Variants in NEK6 observed in about 807,000 individuals in gnomAD.
NEK6 encodes NIMA related kinase 6.
A neutral mutation model predicts 43.5 loss-of-function variants in NEK6; 27 were observed. The ratio of observed to expected loss-of-function variants is 0.62; its 90% CI spans 0.46 to 0.86. The LOEUF (loss-of-function observed/expected upper bound fraction) is 0.86. NEK6 is among the 40% of genes least tolerant of loss of function. NEK6 has a pLI of 0.00. For synonymous variants in NEK6, 167 were observed against 164.1 expected, an observed-to-expected ratio of 1.02 and a Z score of -0.14; for missense variants, 318 against 414.4, an observed-to-expected ratio of 0.77 and a Z score of 2.02.
chr9:124,306,461 G>T (rs770782573), intron 2 of NEK6, among the ~76,000 whole-genome samples: 1 of 152,114 alleles, frequency 6.6e-6, no homozygotes, highest in Non-Finnish European at 1.5e-5. Flanking sequence ...CGGTGCAGAC[G>T]TCTTAGCTGA....
At chr9:124,322,871 T>C (rs553256077) in intron 5 of NEK6, among the ~76,000 whole-genome samples, 1 of 152,380 alleles carries the variant, frequency 6.6e-6, no homozygotes, top group South Asian at 2.1e-4. Flanking sequence ...CACTGGGAAG[T>C]GGCATTACTT....
At chr9:124,334,952 C>T (rs190884665) in intron 7 of NEK6, among the ~76,000 whole-genome samples, 1 of 152,298 alleles carries the variant, frequency 6.6e-6, no homozygotes, top group East Asian at 1.9e-4. Context: ...TGGGAAGAGC[C>T]TGTAGGGTCA....
At chr9:124,298,176 C>A (rs1419225137) in intron 1 of NEK6, among the ~76,000 whole-genome samples, 2 of 152,062 alleles carry the variant, frequency 1.3e-5, no homozygotes, top group African/African-American at 4.8e-5. Flanking sequence ...AAAGACCTGG[C>A]CCACAGGAAC....
At position 124,345,034 on chromosome 9, in the gene NEK6, T is replaced by G. The variant is rs73666866; in HGVS notation, c.718-2675T>G. ...AGGAGTCAGATTCCCCTTGTCCCTC[T>G]GACATCTCAGATCACACACCAGCTT... On this transcript the variant is annotated intron_variant, in intron 8 of 9. Transcript: ENST00000320246. Among the ~76,000 whole-genome samples, 1,484 of 152,346 alleles carry G rather than the reference T, an allele frequency of 9.7e-3. 23 individuals carry two copies. The highest frequency in any genetic ancestry group is 0.034 in the African/African-American group (1,404 of 41,586).
chr9:124,332,495 CCT>C (rs1200255420), intron 7 of NEK6, among the ~76,000 whole-genome samples: 2 of 152,168 alleles, frequency 1.3e-5, no homozygotes, highest in African/African-American at 2.4e-5. Context: ...CCCACCTGCC[CCT>C]GTCTGTCCCA....
intron 3 of NEK6, among the ~76,000 whole-genome samples, chr9:124,312,958 C>T (rs573379163): frequency 1.3e-5 from 2 of 152,288 alleles, no homozygotes; most frequent in Admixed American, 1.3e-4. Context: ...AGGAAAATCT[C>T]ATAACCGCCA....
At chr9:124,330,386 C>A (rs905224690) in intron 7 of NEK6, among the ~76,000 whole-genome samples, 3 of 152,240 alleles carry the variant, frequency 2.0e-5, no homozygotes, top group Admixed American at 1.3e-4. Context: ...TCGCTCCGAG[C>A]AACGGCAGCA....
chr9:124,301,268 A>G (rs774963685), intron 1 of NEK6, among the ~76,000 whole-genome samples: 54 of 152,328 alleles, frequency 3.5e-4, no homozygotes, highest in Non-Finnish European at 5.1e-4. Context: ...GTGCTTAACC[A>G]GGGGCCTGTG....
intron 1 of NEK6, among the ~76,000 whole-genome samples, chr9:124,267,035 G>T (rs1490881390): frequency 1.3e-5 from 2 of 152,218 alleles, no homozygotes; most frequent in Non-Finnish European, 2.9e-5. Flanking sequence ...GGTTGGAATG[G>T]GTCAGTGCTG....
At position 124,347,315 on chromosome 9, in the gene NEK6, T is replaced by A. The variant is rs1278579851; in HGVS notation, c.718-394T>A. On this transcript the variant is annotated intron_variant, in intron 8 of 9. Transcript: ENST00000320246. ...TCTGAACATGTGGGGCACAGAGACC[T>A]GCCCCTGCAGGCATCTTGGAAAAAT... Among the ~76,000 whole-genome samples, 3 of 151,898 alleles carry A rather than the reference T, an allele frequency of 2.0e-5. No individual in the cohort carries two copies. In the East Asian group the frequency reaches 6.0e-4, roughly 30 times the overall value.
At chr9:124,331,779 C>T (rs766878854) in intron 7 of NEK6, among the ~76,000 whole-genome samples, 1 of 152,220 alleles carries the variant, frequency 6.6e-6, no homozygotes, top group Non-Finnish European at 1.5e-5. Context: ...AGTGGATGGA[C>T]GACCTTCATG....
chr9:124,292,666 C>T (rs1039260050), intron 1 of NEK6: 2 of 1,314,140 alleles, frequency 1.5e-6, no homozygotes, highest in Non-Finnish European at 2.1e-6. Flanking sequence ...CCCTTAAGCC[C>T]CAGCCTCTCC....
At chr9:124,276,575 CTA>C (rs1377341013) in intron 1 of NEK6, among the ~76,000 whole-genome samples, 1 of 152,232 alleles carries the variant, frequency 6.6e-6, no homozygotes, top group African/African-American at 2.4e-5. Flanking sequence ...CAGTGGTTGT[CTA>C]TGTGTGGCTG....
chr9:124,314,113 G>A (rs915952886), intron 4 of NEK6, 128 bp downstream of exon 4: 3 of 807,602 alleles, frequency 3.7e-6, no homozygotes, highest in East Asian at 2.7e-5. Flanking sequence ...GTTAACAGAC[G>A]ATAGCTTTCT....
Position 124,302,060 on chromosome 9 carries a change from C to A in NEK6, c.90+6C>A. ...TGCATCCTCCTGACCCACAGGTAAG[C>A]CCCTTACCTTTGTCTGCAGCACACT... On this transcript the variant is annotated splice_donor_region_variant and intron_variant, in intron 2 of 9. Transcript: ENST00000320246. 1 of 1,578,862 alleles carries A rather than the reference C, an allele frequency of 6.3e-7. No individual in the cohort carries two copies. Among genetic ancestry groups the A allele is most frequent in the Non-Finnish European group, 8.7e-7 (1 of 1,155,586 alleles).
At chr9:124,334,500 C>A (rs7861933) in intron 7 of NEK6, among the ~76,000 whole-genome samples, 67,485 of 151,996 alleles carry the variant, frequency 0.44, 16,659 homozygotes, top group Non-Finnish European at 0.56. Context: ...AGGGCTGGTG[C>A]CCCCAATCTC....
rs544933095 is a variant in NEK6 at position 124,350,289 on chromosome 9, C to T, written c.832-548C>T. On this transcript the variant is annotated intron_variant, in intron 9 of 9. Coordinates refer to ENST00000320246, the MANE Select transcript of NEK6 (RefSeq NM_014397.6). ...ACTCCGGCTATCAGAAGAATGGAGG[C>T]GATCAGAGGCGCAAGGCGCCCCTCC... is the stretch of plus-strand genomic sequence containing the variant. Among the ~76,000 whole-genome samples, 176 of 152,144 alleles carry T rather than the reference C, an allele frequency of 1.2e-3. 4 individuals are homozygous for T. The highest frequency in any genetic ancestry group is 3.2e-3 in the African/African-American group (131 of 41,494).
chr9:124,342,338 A>T (rs1487615516), intron 8 of NEK6, among the ~76,000 whole-genome samples: 1 of 152,224 alleles, frequency 6.6e-6, no homozygotes, highest in Non-Finnish European at 1.5e-5. Flanking sequence ...ATTTTGAATT[A>T]GAGCACGTGT....
rs886859861 is a variant in NEK6 at position 124,351,997 on chromosome 9, A to C, written c.*1050A>C. ...TCGAGAATTAATGTACACCTGTATCATGTGTAGGAAACCAGAAATGTGTTC... is the reference window on the plus strand; with the variant it reads ...TCGAGAATTAATGTACACCTGTATCCTGTGTAGGAAACCAGAAATGTGTTC... On this transcript the variant is annotated 3_prime_UTR_variant, in exon 10 of 10. Transcript: ENST00000320246. 6.6e-6 allele frequency: 1 copy of C among 152,644 alleles called. No homozygotes were observed. The allele number at this position is 152,644 out of a possible 1,614,324, so 9.5% of individuals were successfully genotyped here. A position where few individuals can be genotyped will look rare whatever the true frequency, so the allele number is the denominator to read the frequency against.
Sources: allele counts gnomAD v4.1 joint callset (sites outside exome capture counted in the v4.1 genomes callset), GRCh38; gene constraint gnomAD v4.1.1; transcripts MANE v1.5; gene names NCBI Gene and HGNC (gene_info 2026-07-23, HGNC 2026-07-21).